The following MED13L variants were observed in gnomAD, a reference collection of about 807,000 sequenced individuals.
The protein encoded by MED13L is mediator complex subunit 13L.
In MED13L, 7 loss-of-function variants were observed where a neutral mutation model predicts 220.9. The ratio of observed to expected loss-of-function variants is 0.03; its 90% CI spans 0.02 to 0.06. The LOEUF is 0.06. Among genes scored for constraint, MED13L ranks in the 10% least tolerant of loss-of-function variants. The probability of loss-of-function intolerance (pLI) is 1.00; values close to 1 mark genes in which losing one functional copy is unlikely to be tolerated. For synonymous variants in MED13L, 1,011 were observed against 1,015.2 expected (o/e 1.00, Z 0.08); for missense variants, 1,965 against 2,760.5 (o/e 0.71, Z 6.46).
At position 115,988,227 on chromosome 12, in the gene MED13L, C is replaced by A. The variant is rs553748218; in HGVS notation, c.3935-939G>T. On this transcript the variant is annotated intron_variant, in intron 17 of 30. Transcript: ENST00000281928. ...TAAGGATTCTTAAGACATTTTCAAA[C>A]GTGTCCCTAAATCAGTAAAACACAG... Among the ~76,000 whole-genome samples, 3 of 152,298 alleles carry A rather than the reference C, an allele frequency of 2.0e-5. No homozygotes were observed. The East Asian group carries it at 5.8e-4, about 29-fold the overall frequency.
chr12:116,130,531 C>G (rs1204381709), intron 2 of MED13L, among the ~76,000 whole-genome samples: 1 of 152,122 alleles, frequency 6.6e-6, no homozygotes, highest in Non-Finnish European at 1.5e-5. Flanking sequence ...TGACAAAAGG[C>G]CAAAAAGGAC....
At chr12:116,276,821 A>C in intron 1 of MED13L, 3 of 1,136,148 alleles carry the variant, frequency 2.6e-6, no homozygotes, top group South Asian at 3.2e-5. Context: ...CCACATGCAA[A>C]TTCCACGCCG....
At position 116,206,046 on chromosome 12, in the gene MED13L, G is replaced by T. The variant is rs548766492; in HGVS notation, c.310+31422C>A. On this transcript the variant is annotated intron_variant, in intron 2 of 30. Transcript: ENST00000281928. ...CAAACTTTTGGGAATTAACTTCAGC[G>T]GATATAGAGATACTTAAGTATTATT... Among the ~76,000 whole-genome samples, 8 of 148,428 alleles carry T rather than the reference G, an allele frequency of 5.4e-5. No homozygotes were observed. In the East Asian group the frequency reaches 1.6e-3, roughly 29 times the overall value.
Position 115,962,100 on chromosome 12 carries a change from T to C in MED13L, c.6501-702A>G, listed in dbSNP as rs534582509. On this transcript the variant is annotated intron_variant, in intron 30 of 30. Coordinates refer to ENST00000281928, the MANE Select transcript of MED13L (RefSeq NM_015335.5). ...AAAATATATTACTAAAATTAACCAG[T>C]TTCTTTTTACTATTTTAATGTGGCT... 1.4e-4 allele frequency among the ~76,000 whole-genome samples: 21 copies of C among 152,270 alleles called. No homozygotes were observed. In the East Asian group the frequency reaches 4.1e-3, roughly 29 times the overall value.
intron 2 of MED13L, among the ~76,000 whole-genome samples, chr12:116,149,027 C>T (rs1166460899): frequency 6.6e-6 from 1 of 152,174 alleles, no homozygotes. Flanking sequence ...CTATTTCCTA[C>T]CCACTAACAA....
intron 7 of MED13L, among the ~76,000 whole-genome samples, chr12:116,018,361 A>C (rs1290535210): frequency 2.0e-5 from 3 of 152,172 alleles, no homozygotes; most frequent in Non-Finnish European, 2.9e-5. Flanking sequence ...AGAAACTTTC[A>C]AATTTTGTCT....
At chr12:116,253,252 A>G (rs1024644349) in intron 1 of MED13L, among the ~76,000 whole-genome samples, 7 of 147,576 alleles carry the variant, frequency 4.7e-5, no homozygotes, top group South Asian at 2.2e-4. Context: ...AGCCAGGGCA[A>G]TAACAGCGAA....
intron 4 of MED13L, among the ~76,000 whole-genome samples, chr12:116,070,602 G>A (rs949125145): frequency 2.0e-5 from 3 of 152,008 alleles, no homozygotes; most frequent in Non-Finnish European, 2.9e-5. Context: ...TAAAACACTC[G>A]CCTAGCACCT....
At chr12:116,069,097 C>T (rs1870179352) in intron 4 of MED13L, among the ~76,000 whole-genome samples, 2 of 152,190 alleles carry the variant, frequency 1.3e-5, no homozygotes, top group Admixed American at 1.3e-4. Flanking sequence ...TCCCCCACAA[C>T]AGACCATAAA....
intron 2 of MED13L, among the ~76,000 whole-genome samples, chr12:116,167,948 T>C (rs1037673838): frequency 2.6e-5 from 4 of 152,212 alleles, no homozygotes; most frequent in African/African-American, 9.6e-5. Flanking sequence ...GACAGCACTT[T>C]TCACATTTGA....
intron 3 of MED13L, among the ~76,000 whole-genome samples, chr12:116,104,321 T>C (rs1873363817): frequency 6.6e-6 from 1 of 152,140 alleles, no homozygotes; most frequent in East Asian, 1.9e-4. Flanking sequence ...ATTTGCCCTT[T>C]GATAATCACC....
At chr12:116,106,783 T>C (rs1036464586) in intron 3 of MED13L, among the ~76,000 whole-genome samples, 8 of 150,774 alleles carry the variant, frequency 5.3e-5, no homozygotes, top group South Asian at 2.1e-4. Context: ...GAGGCAGAGA[T>C]TGCAGTGAGC....
At chr12:116,030,100 T>C (rs1880642772) in intron 4 of MED13L, among the ~76,000 whole-genome samples, 1 of 152,116 alleles carries the variant, frequency 6.6e-6, no homozygotes, top group Non-Finnish European at 1.5e-5. Context: ...CCTAAGTAGC[T>C]GGGATTACAG....
intron 2 of MED13L, among the ~76,000 whole-genome samples, chr12:116,232,674 G>C (rs1458210227): frequency 6.6e-6 from 1 of 152,122 alleles, no homozygotes; most frequent in Non-Finnish European, 1.5e-5. Flanking sequence ...TAATGCTTTG[G>C]GGCAAGCAAT....
In MED13L at chr12:116,277,175, G is replaced by C. The variant is rs1444220997; in HGVS notation, c.-44C>G. 1.4e-6 allele frequency: 2 copies of C among 1,413,878 alleles called. No homozygotes were observed. The highest frequency in any genetic ancestry group is 1.9e-6 in the Non-Finnish European group (2 of 1,061,862). The allele number at this position is 1,413,878 out of a possible 1,614,324, so 87.6% of individuals were successfully genotyped here. On this transcript the variant is annotated 5_prime_UTR_variant, in exon 1 of 31. Transcript: ENST00000281928. ...CCGCCAGAGCGGGGCATGTCGGAGC[G>C]AGGCGTCCGAGGCGAGGCCGGGCCG...
intron 4 of MED13L, among the ~76,000 whole-genome samples, chr12:116,038,066 T>C (rs986484533): frequency 6.6e-6 from 1 of 152,132 alleles, no homozygotes; most frequent in Non-Finnish European, 1.5e-5. Context: ...GAGAATTCAA[T>C]GGGGAGTGTG....
At chr12:116,171,214 C>A (rs1408598736) in intron 2 of MED13L, among the ~76,000 whole-genome samples, 1 of 152,198 alleles carries the variant, frequency 6.6e-6, no homozygotes, top group Non-Finnish European at 1.5e-5. Context: ...GCTGGCCTAA[C>A]GTTTGTCAAG....
intron 2 of MED13L, among the ~76,000 whole-genome samples, chr12:116,235,687 T>C (rs1870016969): frequency 6.6e-6 from 1 of 152,238 alleles, no homozygotes; most frequent in African/African-American, 2.4e-5. Context: ...GCCCTACTCC[T>C]TTTTGTTAAC....
chr12:116,050,708 G>C (rs1868422501), intron 4 of MED13L, among the ~76,000 whole-genome samples: 1 of 152,136 alleles, frequency 6.6e-6, no homozygotes, highest in South Asian at 2.1e-4. Flanking sequence ...AGGCCAAGGA[G>C]GGTGGATCAC....
Sources: gnomAD v4.1 joint callset for allele counts (sites outside exome capture counted in the v4.1 genomes callset) on GRCh38, gnomAD v4.1.1 for gene constraint, MANE v1.5 for transcripts, NCBI Gene and HGNC (gene_info 2026-07-23, HGNC 2026-07-21) for gene names.